HSD17B11: variants seen among roughly 807,000 people sequenced by gnomAD.
The protein encoded by HSD17B11 is estradiol 17-beta-dehydrogenase 11.
A neutral mutation model predicts 27.8 loss-of-function variants in HSD17B11; 22 were observed. The observed-to-expected ratio is 0.79, with a 90% CI of 0.56 to 1.13. HSD17B11 has a LOEUF of 1.13. Among genes scored for constraint, HSD17B11 ranks in the 50% most tolerant of loss-of-function variants. The probability of loss-of-function intolerance (pLI) is 0.00; values close to 1 mark genes in which losing one functional copy is unlikely to be tolerated. For synonymous variants in HSD17B11, 117 were observed against 132.8 expected (o/e 0.88, Z 0.82); for missense variants, 314 against 351.1 (o/e 0.89, Z 0.84).
chr4:87,358,306 A>C (rs1735431937), intron 4 of HSD17B11, among the ~76,000 whole-genome samples: 1 of 152,080 alleles, frequency 6.6e-6, no homozygotes, highest in Non-Finnish European at 1.5e-5. Context: ...CTTTCCTATA[A>C]GCTCCATGAC....
chr4:87,375,042 T>C (rs1054256813), intron 2 of HSD17B11, among the ~76,000 whole-genome samples: 1 of 152,050 alleles, frequency 6.6e-6, no homozygotes, highest in Non-Finnish European at 1.5e-5. Context: ...TGAAGGCTCA[T>C]GCAACCACGC....
chr4:87,365,924 T>G (rs1186540502), intron 4 of HSD17B11: 3 of 152,218 alleles, frequency 2.0e-5, no homozygotes, highest in Non-Finnish European at 4.4e-5. Flanking sequence ...TGGCGTGATC[T>G]TGACTCACCG....
intron 6 of HSD17B11, among the ~76,000 whole-genome samples, chr4:87,340,099 A>C (rs2110111644): frequency 6.6e-6 from 1 of 152,346 alleles, no homozygotes; most frequent in East Asian, 1.9e-4. Context: ...ATGATTTTGC[A>C]CAAAACAAAA....
At chr4:87,371,122 C>T (rs1282375767) in intron 4 of HSD17B11, among the ~76,000 whole-genome samples, 2 of 152,228 alleles carry the variant, frequency 1.3e-5, no homozygotes, top group African/African-American at 2.4e-5. Context: ...TAAGGTCACA[C>T]AGCTGGTGAG....
chr4:87,382,182 T>G, intron 2 of HSD17B11, 73 bp downstream of exon 2: 2 of 1,093,362 alleles, frequency 1.8e-6, no homozygotes, highest in South Asian at 2.6e-5. Flanking sequence ...CTATATCATG[T>G]ACAGACTGGG....
At chr4:87,373,691 C>T (rs969355927) in intron 3 of HSD17B11, among the ~76,000 whole-genome samples, 3 of 152,154 alleles carry the variant, frequency 2.0e-5, no homozygotes, top group African/African-American at 4.8e-5. Context: ...GCCTGGGCAA[C>T]ACAGAGACCC....
chr4:87,373,264 C>T (rs565030719), intron 3 of HSD17B11: 9 of 157,724 alleles, frequency 5.7e-5, no homozygotes, highest in East Asian at 1.9e-4. Context: ...CACTTGAACC[C>T]GGGAGGCAGA....
chr4:87,343,410 C>T (rs1390264261), intron 5 of HSD17B11, among the ~76,000 whole-genome samples: 2 of 151,992 alleles, frequency 1.3e-5, no homozygotes, highest in African/African-American at 4.8e-5. Flanking sequence ...AGCCAATCTG[C>T]TGGGGTGGGA....
chr4:87,352,827 G>A (rs1445097177), intron 5 of HSD17B11, among the ~76,000 whole-genome samples: 2 of 30,624 alleles, frequency 6.5e-5, no homozygotes, highest in Non-Finnish European at 1.2e-4. Flanking sequence ...CTCGTGGTGC[G>A]CCGTTTCTTA....
chr4:87,378,510 A>T lies in HSD17B11; in HGVS notation c.319-3680T>A, dbSNP rs563552820. ...ATCCAATTATACTTTTAGTTATTTT[A>T]AAATGTACAATTAAATTACTATTAT... On this transcript the variant is annotated intron_variant, in intron 2 of 6. Coordinates refer to ENST00000358290, the MANE Select transcript of HSD17B11 (RefSeq NM_016245.5). 4.7e-3 allele frequency among the ~76,000 whole-genome samples: 711 copies of T among 151,978 alleles called. 4 individuals are homozygous for T. Among genetic ancestry groups the T allele is most frequent in the African/African-American group, 0.016 (666 of 41,450 alleles).
intron 5 of HSD17B11, among the ~76,000 whole-genome samples, chr4:87,354,238 G>A (rs1422117674): frequency 2.0e-5 from 3 of 152,000 alleles, no homozygotes; most frequent in Admixed American, 1.3e-4. Context: ...GAACCTGGCG[G>A]CCGTGGATCA....
chr4:87,364,313 T>A lies in HSD17B11; in HGVS notation c.558-6897A>T, dbSNP rs564544971. On this transcript the variant is annotated intron_variant, in intron 4 of 6. Coordinates refer to ENST00000358290, the MANE Select transcript of HSD17B11 (RefSeq NM_016245.5). ...AAAAAAAACCCCTCTGTTTTCCTCATGAGACCCCAAGAATTAAAAGCAGAT... is the reference window on the plus strand; with the variant it reads ...AAAAAAAACCCCTCTGTTTTCCTCAAGAGACCCCAAGAATTAAAAGCAGAT... Among the ~76,000 whole-genome samples, 3 of 151,382 alleles carry A rather than the reference T, an allele frequency of 2.0e-5. No homozygotes were observed. The East Asian group carries it at 5.8e-4, about 29-fold the overall frequency.
At chr4:87,374,867 G>C (rs751404018) in intron 2 of HSD17B11, 37 bp from the exon 3 acceptor site, 26 of 1,486,252 alleles carry the variant, frequency 1.7e-5, no homozygotes, top group Non-Finnish European at 2.2e-5. Context: ...AATTCATTAA[G>C]AGGTATGAGG....
At chr4:87,378,925 TA>T (rs1720040984) in intron 2 of HSD17B11, among the ~76,000 whole-genome samples, 5 of 10,786 alleles carry the variant, frequency 4.6e-4, no homozygotes, top group Non-Finnish European at 7.5e-4. Flanking sequence ...TATAAATATA[TA>T]TAAATATATA....
At chr4:87,384,568 T>C (rs1354264747) in intron 1 of HSD17B11, among the ~76,000 whole-genome samples, 1 of 152,084 alleles carries the variant, frequency 6.6e-6, no homozygotes, top group Non-Finnish European at 1.5e-5. Flanking sequence ...GGGAAAGGAA[T>C]GCATTCCTAC....
At position 87,337,310 on chromosome 4, in the gene HSD17B11, T is replaced by A; in HGVS notation, c.869A>T (p.Asp290Val). The change falls in exon 7 of 7, where the codon GAT (aspartate) becomes GTT (valine). Residue 290 changes from aspartate (D) to valine (V), a missense_variant. By Grantham distance (152) the Asp-to-Val change is radical. Coordinates refer to ENST00000358290, the MANE Select transcript of HSD17B11 (RefSeq NM_016245.5). ...TTTCATTTTATATCCAATAACTGCA[T>A]CAAACTTAACACTGATTTTTCGTTT... The part of the protein sequence containing the change: ...VLKRKISVKF[D>V]AVIGYKMKAQ 6.2e-7 allele frequency: 1 copy of A among 1,607,598 alleles called. No individual in the cohort carries two copies. Among genetic ancestry groups the A allele is most frequent in the Non-Finnish European group, 8.5e-7 (1 of 1,175,164 alleles).
Position 87,361,776 on chromosome 4 carries a change from T to C in HSD17B11, c.558-4360A>G, listed in dbSNP as rs866451377. On this transcript the variant is annotated intron_variant, in intron 4 of 6. Coordinates refer to ENST00000358290, the MANE Select transcript of HSD17B11 (RefSeq NM_016245.5). ...AGCGAGACTCTGTCTCAAAAATAAA[T>C]AAACTTTCTTTCACTTTGCACTGTG... Among the ~76,000 whole-genome samples the C allele has an allele frequency of 1.6e-4, 25 of 151,860 alleles. 1 individual carries two copies. Among genetic ancestry groups the C allele is most frequent in the African/African-American group, 5.8e-4 (24 of 41,308 alleles).
At chr4:87,363,737 A>C (rs760200413) in intron 4 of HSD17B11, among the ~76,000 whole-genome samples, 1 of 152,242 alleles carries the variant, frequency 6.6e-6, no homozygotes, top group African/African-American at 2.4e-5. Context: ...GAAAAGAAAT[A>C]GACACTGCCC....
chr4:87,382,174 A>G (rs893045171), intron 2 of HSD17B11, 81 bp downstream of exon 2: 1 of 979,234 alleles, frequency 1.0e-6, no homozygotes, highest in African/African-American at 1.6e-5. Flanking sequence ...TACTTCATCT[A>G]TATCATGTAC....
Sources: gnomAD v4.1 joint callset for allele counts (sites outside exome capture counted in the v4.1 genomes callset) on GRCh38, gnomAD v4.1.1 for gene constraint, MANE v1.5 for transcripts, NCBI Gene and HGNC (gene_info 2026-07-23, HGNC 2026-07-21) for gene names.